TLN2: variants seen among roughly 807,000 people sequenced by gnomAD.
TLN2 encodes talin-2.
In TLN2, 118 loss-of-function variants were observed where a neutral mutation model predicts 294.7. The observed-to-expected ratio is 0.40, with a 90% confidence interval of 0.34 to 0.47. The LOEUF (loss-of-function observed/expected upper bound fraction) is 0.47. Among genes scored for constraint, TLN2 ranks in the 20% least tolerant of loss-of-function variants. TLN2 has a pLI of 0.84. For synonymous variants in TLN2, 1,431 were observed against 1,304.5 expected (o/e 1.10, Z -2.09); for missense variants, 3,083 against 3,282.2 (o/e 0.94, Z 1.48).
intron 9 of TLN2, chr15:62,658,126 T>A: frequency 4.4e-6 from 1 of 228,276 alleles, no homozygotes. Context: ...TGTGTCCCCC[T>A]CCACCCCCTT....
At chr15:62,505,398 A>G (rs925210044) in intron 1 of TLN2, among the ~76,000 whole-genome samples, 2 of 152,214 alleles carry the variant, frequency 1.3e-5, no homozygotes, top group African/African-American at 4.8e-5. Context: ...TCTGGCTTAC[A>G]TTGATTTAAA....
intron 1 of TLN2, among the ~76,000 whole-genome samples, chr15:62,507,655 G>T (rs537497311): frequency 1.3e-5 from 2 of 152,340 alleles, no homozygotes; most frequent in Admixed American, 1.3e-4. Flanking sequence ...TGAGTTAATT[G>T]CATGGTAATT....
chr15:62,748,526 T>C, intron 33 of TLN2, 82 bp downstream of exon 33: 1 of 1,151,726 alleles, frequency 8.7e-7, no homozygotes, highest in Non-Finnish European at 1.3e-6. Context: ...TGTCTATGTC[T>C]GTGTCTGTTC....
chr15:62,640,974 G>T (rs1034420187), intron 3 of TLN2, among the ~76,000 whole-genome samples: 13 of 151,782 alleles, frequency 8.6e-5, no homozygotes, highest in African/African-American at 2.9e-4. Flanking sequence ...GCTAATTTTT[G>T]TATTTTTGGT....
chr15:62,640,951 G>A lies in TLN2; in HGVS notation c.-36-6324G>A, dbSNP rs376421775. 2.5e-4 allele frequency among the ~76,000 whole-genome samples: 38 copies of A among 152,002 alleles called. No individual in the cohort carries two copies. The East Asian group carries it at 6.4e-3, about 26-fold the overall frequency. On this transcript the variant is annotated intron_variant, in intron 3 of 58. Transcript: ENST00000636159. ...TGGGTGGCTGGGATTACAGGCGCCC[G>A]CCACCATGCTCGGCTAATTTTTGTA...
At chr15:62,498,510 G>C (rs1052533971) in intron 1 of TLN2, among the ~76,000 whole-genome samples, 7 of 152,122 alleles carry the variant, frequency 4.6e-5, no homozygotes, top group Non-Finnish European at 8.8e-5. Flanking sequence ...AAAAGTATCT[G>C]GATTTCCTAG....
intron 27 of TLN2, among the ~76,000 whole-genome samples, chr15:62,725,352 A>G (rs184826645): frequency 1.4e-4 from 21 of 152,272 alleles, no homozygotes; most frequent in Admixed American, 1.2e-3. Flanking sequence ...TGTCTGAAGT[A>G]TTTTATTTAC....
At chr15:62,660,411 G>A (rs899015462) in intron 9 of TLN2, among the ~76,000 whole-genome samples, 8 of 152,164 alleles carry the variant, frequency 5.3e-5, no homozygotes, top group African/African-American at 1.9e-4. Context: ...GGGAGAATAA[G>A]TGCTAGAGAG....
At position 62,762,356 on chromosome 15, in the gene TLN2, C is replaced by G; in HGVS notation, c.4864C>G (p.Leu1622Val). The G allele has an allele frequency of 6.2e-7, 1 of 1,614,214 alleles. No individual in the cohort carries two copies. Among genetic ancestry groups the G allele is most frequent in the African/African-American group, 1.3e-5 (1 of 75,044 alleles). Residue 1622 changes from leucine to valine, a missense_variant, in exon 39 of 59, where the codon CTG becomes GTG. By Grantham distance (32) the Leu-to-Val change is conservative (BLOSUM62 1). Transcript: ENST00000636159. Reference sequence around the variant, plus strand: ...GTACCTCATTCGCACTGCACGCTCTCTGGCCATCAACCCCAAAGACCCACC... The same window carrying G: ...GTACCTCATTCGCACTGCACGCTCTGTGGCCATCAACCCCAAAGACCCACC... ...SSYLIRTARS[L>V]AINPKDPPTW... is the part of the protein sequence containing the mutation.
At position 62,618,409 on chromosome 15, in the gene TLN2, C is replaced by G. The variant is rs372965429; in HGVS notation, c.-103C>G. On this transcript the variant is annotated 5_prime_UTR_variant, in exon 3 of 59. Coordinates refer to ENST00000636159, the MANE Select transcript of TLN2 (RefSeq NM_015059.3). ...TACCCTGAGTTGATTCCTGAAACTT[C>G]GGACCCCTGGGTATTAACAGAGGAC... 5 of 152,186 alleles carry G rather than the reference C, an allele frequency of 3.3e-5. No individual in the cohort carries two copies. Among genetic ancestry groups the G allele is most frequent in the African/African-American group, 1.2e-4 (5 of 41,450 alleles). The allele number at this position is 152,186 out of a possible 1,614,324, so 9.4% of individuals were successfully genotyped here.
chr15:62,730,475 C>G (rs1418115595), intron 28 of TLN2, among the ~76,000 whole-genome samples: 1 of 152,172 alleles, frequency 6.6e-6, no homozygotes, highest in Non-Finnish European at 1.5e-5. Context: ...TCTCCAGGAG[C>G]TTTCATTAGG....
chr15:62,509,967 C>T (rs1478334232), intron 1 of TLN2, among the ~76,000 whole-genome samples: 1 of 152,142 alleles, frequency 6.6e-6, no homozygotes, highest in African/African-American at 2.4e-5. Context: ...CAAATTAATC[C>T]TGTACTTAAA....
chr15:62,606,683 C>A (rs1221205589), intron 2 of TLN2, among the ~76,000 whole-genome samples: 1 of 152,180 alleles, frequency 6.6e-6, no homozygotes, highest in Non-Finnish European at 1.5e-5. Context: ...TAAGTACAGT[C>A]ATTCACAAGT....
chr15:62,656,067 T>TTCA lies in TLN2; in HGVS notation c.641_642insTCA (p.Leu214_Asn215insGln). 1.2e-6 allele frequency: 2 copies of TTCA among 1,614,226 alleles called. No individual in the cohort carries two copies. The highest frequency in any genetic ancestry group is 1.7e-6 in the Non-Finnish European group (2 of 1,180,034). Reference sequence around the variant, plus strand: ...GTAGATTCGAGAGACCCCGTGCAGCTGAACTTGCTTTATGTTCAGGTACAG... The same window carrying TTCA: ...GTAGATTCGAGAGACCCCGTGCAGCTTCAGAACTTGCTTTATGTTCAGGTACAG... On this transcript the variant is annotated inframe_insertion, in exon 8 of 59. Coordinates refer to ENST00000636159, the MANE Select transcript of TLN2 (RefSeq NM_015059.3).
At chr15:62,539,927 A>C (rs1003556501) in intron 1 of TLN2, among the ~76,000 whole-genome samples, 1 of 152,122 alleles carries the variant, frequency 6.6e-6, no homozygotes, top group African/African-American at 2.4e-5. Flanking sequence ...CTAAAAGTCA[A>C]TTTTGACTTA....
chr15:62,631,641 CTT>C (rs1491244851), intron 3 of TLN2, among the ~76,000 whole-genome samples: 1 of 86,822 alleles, frequency 1.2e-5, no homozygotes, highest in Non-Finnish European at 2.4e-5. Context: ...CTTTCTTTCT[CTT>C]TCTTTCCTTC....
At chr15:62,472,833 A>G (rs1254576054) in intron 1 of TLN2, among the ~76,000 whole-genome samples, 2 of 152,204 alleles carry the variant, frequency 1.3e-5, no homozygotes, top group East Asian at 3.9e-4. Context: ...TCCCCTGAGG[A>G]AGGTAAACTG....
intron 33 of TLN2, among the ~76,000 whole-genome samples, chr15:62,749,076 A>G (rs971246577): frequency 2.0e-5 from 3 of 152,252 alleles, no homozygotes; most frequent in Non-Finnish European, 4.4e-5. Flanking sequence ...ACCTACTTGT[A>G]TGTCCTAACC....
intron 1 of TLN2, among the ~76,000 whole-genome samples, chr15:62,494,407 C>T (rs1446411324): frequency 6.6e-6 from 1 of 152,120 alleles, no homozygotes; most frequent in Admixed American, 6.5e-5. Flanking sequence ...GTTAATTCTC[C>T]TCCAGGCAGA....
Sources: gnomAD v4.1 joint callset for allele counts (sites outside exome capture counted in the v4.1 genomes callset) on GRCh38, gnomAD v4.1.1 for gene constraint, MANE v1.5 for transcripts, NCBI Gene and HGNC (gene_info 2026-07-23, HGNC 2026-07-21) for gene names.